RGCC: variants seen among roughly 807,000 people sequenced by gnomAD.
RGCC encodes regulator of cell cycle.
RGCC carries 15 observed loss-of-function variants against 15.4 expected under a neutral mutation model. The ratio of observed to expected loss-of-function variants is 0.97; its 90% CI spans 0.65 to 1.50. The LOEUF (loss-of-function observed/expected upper bound fraction) is 1.50. RGCC is among the 40% of genes most tolerant of loss of function. The probability of loss-of-function intolerance (pLI) is 0.00; values close to 1 mark genes in which losing one functional copy is unlikely to be tolerated. For synonymous variants in RGCC, 81 were observed against 78.0 expected (o/e 1.04, Z -0.20); for missense variants, 176 against 189.7 (o/e 0.93, Z 0.42).
At chr13:41,470,355 C>T (rs951405984) in intron 4 of RGCC, 123 bp from the exon 5 acceptor site, 2 of 954,270 alleles carry the variant, frequency 2.1e-6, no homozygotes. Flanking sequence ...ATCAGACACT[C>T]ATCGTGTGGG....
At chr13:41,459,638 A>T (rs902183264) in intron 2 of RGCC, among the ~76,000 whole-genome samples, 1 of 152,238 alleles carries the variant, frequency 6.6e-6, no homozygotes, top group Non-Finnish European at 1.5e-5. Context: ...ACCAAGCTGC[A>T]GCTTTTGAGG....
Position 41,457,554 on chromosome 13 carries a change from C to T in RGCC, c.-154C>T, listed in dbSNP as rs550539319. On this transcript the variant is annotated 5_prime_UTR_variant, in exon 1 of 5. Coordinates refer to ENST00000379359, the MANE Select transcript of RGCC (RefSeq NM_014059.3). This position sits in a 1 kb window ranked among gnomAD's most constrained non-coding sequence, Gnocchi z 4.9. ...CTAGGAACCCGAGCCGGTGGTAGGG[C>T]GGGCGCGGACCGTGCTGGGAGCGGC... is the stretch of plus-strand genomic sequence containing the variant. 3.1e-6 allele frequency: 4 copies of T among 1,274,482 alleles called. No individual in the cohort carries two copies. Among genetic ancestry groups the T allele is most frequent in the African/African-American group, 3.2e-5 (2 of 63,384 alleles). The allele number at this position is 1,274,482 out of a possible 1,614,324, so 78.9% of individuals were successfully genotyped here.
chr13:41,458,418 G>A lies in RGCC; in HGVS notation c.183G>A (p.Lys61=), dbSNP rs1487287578. ...ACGAGGAGCACCTGGAGCGCATGAA[G>A]CGGCGCAGCAGCGCCAGTGTCAGCG... ...FHYEEHLERM[K]RRSSASVSDS... Residue 61 remains lysine (K), a synonymous_variant, in exon 2 of 5, where the codon AAG becomes AAA. Transcript: ENST00000379359. This position sits in a 1 kb window ranked among gnomAD's most constrained non-coding sequence, Gnocchi z 4.4. 6.2e-7 allele frequency: 1 copy of A among 1,601,598 alleles called. No homozygotes were observed. The highest frequency in any genetic ancestry group is 2.2e-5 in the East Asian group (1 of 44,706).
Position 41,458,433 on chromosome 13 carries a change from C to T in RGCC, c.198C>T (p.Ala66=), listed in dbSNP as rs200298781. 1.7e-4 allele frequency: 274 copies of T among 1,601,674 alleles called. No individual in the cohort carries two copies. The highest frequency in any genetic ancestry group is 2.1e-4 in the Non-Finnish European group (252 of 1,178,836). ...HLERMKRRSS[A]SVSDSSGFSD... The stretch of plus-strand genomic sequence containing the variant: ...AGCGCATGAAGCGGCGCAGCAGCGC[C>T]AGTGTCAGCGACAGCAGCGGCTTCA... Residue 66 remains alanine, a synonymous_variant, in exon 2 of 5, where the codon GCC becomes GCT. Transcript: ENST00000379359. The surrounding 1 kb of genome is among the most constrained non-coding windows in gnomAD (Gnocchi z 4.4).
Position 41,457,810 on chromosome 13 carries a change from G to T in RGCC, c.49+54G>T. 1 of 1,357,878 alleles carries T rather than the reference G, an allele frequency of 7.4e-7. No individual in the cohort carries two copies. 84.1% of individuals were successfully genotyped at this position (1,357,878 alleles called of 1,614,324 possible). On this transcript the variant is annotated intron_variant, in intron 1 of 4. Transcript: ENST00000379359. The surrounding 1 kb of genome is among the most constrained non-coding windows in gnomAD (Gnocchi z 4.9). ...AGTCTCGGCTCTGCAGATGGCGGGTGAGAAAGGAGGGGCCCCGTGTCGTCC... is the reference window on the plus strand; with the variant it reads ...AGTCTCGGCTCTGCAGATGGCGGGTTAGAAAGGAGGGGCCCCGTGTCGTCC...
chr13:41,469,159 G>T (rs1012094477), intron 4 of RGCC, among the ~76,000 whole-genome samples: 1 of 152,028 alleles, frequency 6.6e-6, no homozygotes, highest in Non-Finnish European at 1.5e-5. Flanking sequence ...TTCTTGGGAG[G>T]CTGAGGTAGG....
At chr13:41,463,361 G>T (rs2139575161) in intron 2 of RGCC, among the ~76,000 whole-genome samples, 1 of 151,470 alleles carries the variant, frequency 6.6e-6, no homozygotes, top group Non-Finnish European at 1.5e-5. Context: ...GTGGTCGAAG[G>T]TTGAACAGTT....
chr13:41,470,478 G>T lies in RGCC; in HGVS notation c.407G>T (p.Ser136Ile), dbSNP rs1020009584. ...AACCTTACCTATCTCTCATTTACAG[G>T]TATGTGAAACAAGAAGTTCTGGGTC... Reference protein sequence around the residue: ...FIADLDKTLASM With the variant: ...FIADLDKTLAIM The change falls in exon 5 of 5, where the codon AGT becomes ATT. Residue 136 changes from serine to isoleucine, a missense_variant and splice_region_variant. Ser to Ile is a moderately radical substitution (Grantham distance 142). Coordinates refer to ENST00000379359, the MANE Select transcript of RGCC (RefSeq NM_014059.3). The T allele has an allele frequency of 6.2e-7, 1 of 1,613,768 alleles. No homozygotes were observed. Among genetic ancestry groups the T allele is most frequent in the East Asian group, 2.2e-5 (1 of 44,882 alleles).
rs1373540548 is a variant in RGCC at position 41,458,337 on chromosome 13, G to C, written c.102G>C (p.Glu34Asp). The C allele has an allele frequency of 6.3e-7, 1 of 1,589,314 alleles. No homozygotes were observed. Among genetic ancestry groups the C allele is most frequent in the Non-Finnish European group, 8.5e-7 (1 of 1,174,274 alleles). Residue 34 changes from glutamate (E) to aspartate (D), a missense_variant, in exon 2 of 5, where the codon GAG (glutamate) becomes GAC (aspartate). By Grantham distance (45) the Glu-to-Asp change is conservative. Coordinates refer to ENST00000379359, the MANE Select transcript of RGCC (RefSeq NM_014059.3). This position sits in a 1 kb window ranked among gnomAD's most constrained non-coding sequence, Gnocchi z 4.4. ...AAEDLSDALC[E>D]FDAVLADFAS... Reference sequence around the variant, plus strand: ...AGGACCTGTCGGACGCGCTGTGCGAGTTTGACGCGGTGCTGGCCGACTTCG... The same window carrying C: ...AGGACCTGTCGGACGCGCTGTGCGACTTTGACGCGGTGCTGGCCGACTTCG...
chr13:41,458,525 C>T lies in RGCC; in HGVS notation c.235+55C>T. 1 of 1,512,144 alleles carries T rather than the reference C, an allele frequency of 6.6e-7. No homozygotes were observed. Among genetic ancestry groups the T allele is most frequent in the African/African-American group, 1.4e-5 (1 of 72,100 alleles). 93.7% of individuals were successfully genotyped at this position (1,512,144 alleles called of 1,614,324 possible). On this transcript the variant is annotated intron_variant, in intron 2 of 4. Coordinates refer to ENST00000379359, the MANE Select transcript of RGCC (RefSeq NM_014059.3). The surrounding 1 kb of genome is among the most constrained non-coding windows in gnomAD (Gnocchi z 4.4). Reference sequence around the variant, plus strand: ...GGGATCTCCCAGCTCCCAGGACCTGCCCCGCGAAGGCTGCGGCCTCAGTTT... The same window carrying T: ...GGGATCTCCCAGCTCCCAGGACCTGTCCCGCGAAGGCTGCGGCCTCAGTTT...
intron 4 of RGCC, 143 bp downstream of exon 4, chr13:41,468,981 C>T (rs1037320589): frequency 1.6e-6 from 1 of 623,726 alleles, no homozygotes. Context: ...GGACCCTAGG[C>T]CGGGGCAGTG....
At chr13:41,469,295 T>TAATAATAATAATAATAAG (rs869157194) in intron 4 of RGCC, among the ~76,000 whole-genome samples, 2 of 86,726 alleles carry the variant, frequency 2.3e-5, no homozygotes, top group African/African-American at 7.5e-5. Flanking sequence ...ATAATAATAA[T>TAATAATAATAATAATAAG]AAGAAGAAGA....
chr13:41,465,886 G>A (rs1033850598), intron 2 of RGCC, among the ~76,000 whole-genome samples: 3 of 152,106 alleles, frequency 2.0e-5, no homozygotes, highest in African/African-American at 7.2e-5. Context: ...GATACTGGAT[G>A]TTTGTATTTT....
At position 41,458,599 on chromosome 13, in the gene RGCC, C is replaced by A. The variant is rs1044264420; in HGVS notation, c.235+129C>A. 11 of 1,073,282 alleles carry A rather than the reference C, an allele frequency of 1.0e-5. No homozygotes were observed. In the African/African-American group the frequency reaches 1.8e-4, roughly 17 times the overall value. 66.5% of individuals were successfully genotyped at this position (1,073,282 alleles called of 1,614,324 possible). A position where few individuals can be genotyped will look rare whatever the true frequency, so the allele number is the denominator to read the frequency against. ...GTTTCCTGAAGCTCAACGCAGTAGG[C>A]CGAGTGGTGGCGGGGCCCCTGACGA... is the stretch of plus-strand genomic sequence containing the variant. On this transcript the variant is annotated intron_variant, in intron 2 of 4. Transcript: ENST00000379359. This position sits in a 1 kb window ranked among gnomAD's most constrained non-coding sequence, Gnocchi z 4.4.
chr13:41,467,821 A>G (rs1015991499), intron 3 of RGCC, among the ~76,000 whole-genome samples: 7 of 152,200 alleles, frequency 4.6e-5, no homozygotes, highest in African/African-American at 1.4e-4. Flanking sequence ...TCAGAGACAG[A>G]GCAGTCTAAA....
intron 4 of RGCC, 42 bp downstream of exon 4, chr13:41,468,880 T>TA: frequency 7.3e-7 from 1 of 1,360,908 alleles, no homozygotes; most frequent in South Asian, 1.2e-5. Flanking sequence ...AACAAAAAAC[T>TA]AACAGACACT....
rs1189194385 is a variant in RGCC at position 41,457,703 on chromosome 13, G to A, written c.-5G>A. 6.7e-7 allele frequency: 1 copy of A among 1,482,316 alleles called. No individual in the cohort carries two copies. The highest frequency in any genetic ancestry group is 2.5e-5 in the Admixed American group (1 of 40,552). 91.8% of individuals were successfully genotyped at this position (1,482,316 alleles called of 1,614,324 possible). ...CACGCGCGCCGGGCCCAGCTGAGCC[G>A]CCTCATGAAGCCGCCCGCGGCGCAG... is the stretch of plus-strand genomic sequence containing the variant. On this transcript the variant is annotated 5_prime_UTR_variant, in exon 1 of 5. Coordinates refer to ENST00000379359, the MANE Select transcript of RGCC (RefSeq NM_014059.3). This position sits in a 1 kb window ranked among gnomAD's most constrained non-coding sequence, Gnocchi z 4.9.
In RGCC at chr13:41,466,898, C is replaced by G. The variant is rs1050383937; in HGVS notation, c.311C>G (p.Ala104Gly). The G allele has an allele frequency of 6.2e-7, 1 of 1,613,796 alleles. No homozygotes were observed. The highest frequency in any genetic ancestry group is 1.3e-5 in the African/African-American group (1 of 75,050). The change falls in exon 3 of 5, where the codon GCT becomes GGT. Residue 104 changes from alanine to glycine, a missense_variant. By Grantham distance (60) the Ala-to-Gly change is moderately conservative. Transcript: ENST00000379359. Reference sequence around the variant, plus strand: ...AATTCTCCAACAGACTCTACCCCAGCTCTTCTCTCTGCCACTGTCACTCCT... The same window carrying G: ...AATTCTCCAACAGACTCTACCCCAGGTCTTCTCTCTGCCACTGTCACTCCT... ...KLNSPTDSTP[A>G]LLSATVTPQK...
intron 4 of RGCC, among the ~76,000 whole-genome samples, chr13:41,470,136 A>G (rs2043869012): frequency 6.6e-6 from 1 of 151,240 alleles, no homozygotes; most frequent in Non-Finnish European, 1.5e-5. Flanking sequence ...ACAAACCTAA[A>G]TATCAGATAG....
Sources: allele counts gnomAD v4.1 joint callset (sites outside exome capture counted in the v4.1 genomes callset), GRCh38; gene constraint gnomAD v4.1.1; non-coding constraint Gnocchi (gnomAD v3.1); transcripts MANE v1.5; gene names NCBI Gene and HGNC (gene_info 2026-07-23, HGNC 2026-07-21).